CSMD1: variants seen among roughly 807,000 people sequenced by gnomAD.
The protein encoded by CSMD1 is CUB and Sushi multiple domains 1, also known as CUB and sushi domain-containing protein 1.
Under a neutral mutation model 417.5 loss-of-function variants are expected in CSMD1, and 213 were observed. That is an observed-to-expected ratio of 0.51 (90% CI 0.46 to 0.57). CSMD1 has a LOEUF of 0.57. CSMD1 is among the 20% of genes least tolerant of loss of function. The pLI, the probability that CSMD1 is intolerant of heterozygous loss-of-function variation, is 0.00. For missense variants in CSMD1, 6,923 were observed against 4,529.7 expected (o/e 1.53, Z -15.17); for synonymous variants, 2,862 against 1,736.8 (o/e 1.65, Z -16.11).
At chr8:3,378,505 T>C (rs543119465) in intron 18 of CSMD1, among the ~76,000 whole-genome samples, 9 of 152,310 alleles carry the variant, frequency 5.9e-5, no homozygotes, top group African/African-American at 1.4e-4. Context: ...CTCCATAAAA[T>C]GCTGGCAAAC....
chr8:4,503,371 ACTTT>A, intron 2 of CSMD1, among the ~76,000 whole-genome samples: 1 of 152,148 alleles, frequency 6.6e-6, no homozygotes, highest in African/African-American at 2.4e-5. Context: ...ATCATACTCA[ACTTT>A]TGCTCAACTG....
chr8:3,490,875 AT>A lies in CSMD1; in HGVS notation c.1448+2747del, dbSNP rs905479181. Among the ~76,000 whole-genome samples the A allele has an allele frequency of 4.6e-5, 7 of 151,174 alleles. 1 individual carries two copies. Among genetic ancestry groups the A allele is most frequent in the African/African-American group, 1.7e-4 (7 of 41,032 alleles). ...TGTTTTTAAAAATAAAAAGAAAAAAATTTTTTTTTACCTAGTAATTTGTCAA... is the reference window on the plus strand; with the variant it reads ...TGTTTTTAAAAATAAAAAGAAAAAAATTTTTTTTACCTAGTAATTTGTCAA... On this transcript the variant is annotated intron_variant, in intron 11 of 69. Coordinates refer to ENST00000635120, the MANE Select transcript of CSMD1 (RefSeq NM_033225.6).
chr8:3,265,077 C>G (rs972490878), intron 26 of CSMD1, among the ~76,000 whole-genome samples: 9 of 152,140 alleles, frequency 5.9e-5, no homozygotes, highest in African/African-American at 1.4e-4. Context: ...CAACACAAAT[C>G]TGTTGAATAG....
At chr8:3,802,503 G>A (rs889197523) in intron 5 of CSMD1, among the ~76,000 whole-genome samples, 3 of 152,072 alleles carry the variant, frequency 2.0e-5, no homozygotes, top group African/African-American at 7.2e-5. Flanking sequence ...TTGATGTGAG[G>A]TCACTTTCTA....
intron 2 of CSMD1, among the ~76,000 whole-genome samples, chr8:4,616,074 T>A (rs1190146975): frequency 6.6e-6 from 1 of 152,206 alleles, no homozygotes; most frequent in Non-Finnish European, 1.5e-5. Context: ...TGTTCTTATT[T>A]CATAGTGCAA....
At chr8:4,108,327 G>C (rs1322636014) in intron 3 of CSMD1, among the ~76,000 whole-genome samples, 37 of 152,142 alleles carry the variant, frequency 2.4e-4, no homozygotes, top group Non-Finnish European at 5.9e-5. Context: ...AAAATTGGGT[G>C]TTGTATGATG....
intron 3 of CSMD1, among the ~76,000 whole-genome samples, chr8:4,365,248 A>G (rs1801996821): frequency 6.6e-6 from 1 of 152,226 alleles, no homozygotes; most frequent in Non-Finnish European, 1.5e-5. Context: ...GTAGTTTGGA[A>G]TGTAATTTTA....
chr8:4,129,973 G>A (rs1327330356), intron 3 of CSMD1, among the ~76,000 whole-genome samples: 1 of 151,936 alleles, frequency 6.6e-6, no homozygotes, highest in East Asian at 1.9e-4. Flanking sequence ...TTTCTTCCCA[G>A]TTGCTTTACC....
chr8:3,860,488 C>T (rs1005456725), intron 5 of CSMD1, among the ~76,000 whole-genome samples: 3 of 151,978 alleles, frequency 2.0e-5, no homozygotes, highest in Non-Finnish European at 2.9e-5. Context: ...TTAAAATGTA[C>T]TTGAAGTTCC....
chr8:3,851,836 G>T (rs1178910521), intron 5 of CSMD1, among the ~76,000 whole-genome samples: 1 of 152,196 alleles, frequency 6.6e-6, no homozygotes, highest in Non-Finnish European at 1.5e-5. Context: ...GAGGGCGCCA[G>T]GAGGGTCGGG....
intron 30 of CSMD1, among the ~76,000 whole-genome samples, chr8:3,209,224 C>T (rs6651442): frequency 0.53 from 80,836 of 151,992 alleles, 21,825 homozygotes; most frequent in African/African-American, 0.63. Flanking sequence ...TACAATGATA[C>T]GTTTCATACA....
chr8:3,346,199 G>A (rs1162467631), intron 22 of CSMD1, among the ~76,000 whole-genome samples: 1 of 151,980 alleles, frequency 6.6e-6, no homozygotes, highest in East Asian at 1.9e-4. Flanking sequence ...AATGTGAGAA[G>A]CACGTTTTTT....
Position 4,036,625 on chromosome 8 carries a change from G to T in CSMD1, c.416-4526C>A, listed in dbSNP as rs57001787. On this transcript the variant is annotated intron_variant, in intron 3 of 69. Coordinates refer to ENST00000635120, the MANE Select transcript of CSMD1 (RefSeq NM_033225.6). ...ATTAAGGCAGATGTTAGAAGCAGCG[G>T]ATGTCAAAGAAAAAACTAGACATCA... is the stretch of plus-strand genomic sequence containing the variant. Among the ~76,000 whole-genome samples the T allele has an allele frequency of 8.4e-3, 1,273 of 152,270 alleles. 14 individuals carry two copies. Among genetic ancestry groups the T allele is most frequent in the African/African-American group, 0.021 (883 of 41,534 alleles).
intron 5 of CSMD1, among the ~76,000 whole-genome samples, chr8:3,942,663 T>C (rs796747775): frequency 4.6e-5 from 7 of 152,324 alleles, no homozygotes; most frequent in African/African-American, 1.7e-4. Context: ...AAAAACTGTT[T>C]ATGATTTATA....
At chr8:4,268,273 A>G (rs1378573210) in intron 3 of CSMD1, among the ~76,000 whole-genome samples, 1 of 152,152 alleles carries the variant, frequency 6.6e-6, no homozygotes, top group Non-Finnish European at 1.5e-5. Context: ...TTGAGTTTCT[A>G]TATTTGAACA....
chr8:3,469,920 T>C (rs1816990420), intron 11 of CSMD1, among the ~76,000 whole-genome samples: 1 of 152,252 alleles, frequency 6.6e-6, no homozygotes, highest in Non-Finnish European at 1.5e-5. Context: ...AACATTGTTC[T>C]TTTTCATTTG....
chr8:3,343,475 C>A lies in CSMD1; in HGVS notation c.3475-25G>T, dbSNP rs547988138. On this transcript the variant is annotated intron_variant, in intron 22 of 69. Transcript: ENST00000635120. ...CCTGATGAAAATTCACAGCATGAGTCCCTCTATGCCTTCACTGGATTCTTA... is the reference window on the plus strand; with the variant it reads ...CCTGATGAAAATTCACAGCATGAGTACCTCTATGCCTTCACTGGATTCTTA... 2.5e-6 allele frequency: 4 copies of A among 1,593,554 alleles called. No homozygotes were observed. In the Admixed American group the frequency reaches 5.2e-5, roughly 21 times the overall value.
At chr8:3,705,093 C>A (rs891872761) in intron 7 of CSMD1, among the ~76,000 whole-genome samples, 1 of 152,190 alleles carries the variant, frequency 6.6e-6, no homozygotes, top group Non-Finnish European at 1.5e-5. Flanking sequence ...GCCAGTCAGG[C>A]AAGGCTACTT....
Position 4,796,985 on chromosome 8 carries a change from C to A in CSMD1, c.86-159427G>T, listed in dbSNP as rs142468669. The stretch of plus-strand genomic sequence containing the variant: ...GCCTGGTCATCAGGCCTTTGTAATG[C>A]CACCCAAAGTGAGGTACATCTTATT... On this transcript the variant is annotated intron_variant, in intron 1 of 69. Coordinates refer to ENST00000635120, the MANE Select transcript of CSMD1 (RefSeq NM_033225.6). Among the ~76,000 whole-genome samples the A allele has an allele frequency of 2.4e-4, 37 of 152,270 alleles. 1 individual carries two copies. In the East Asian group the frequency reaches 6.4e-3, roughly 26 times the overall value.
Sources: allele counts gnomAD v4.1 joint callset (sites outside exome capture counted in the v4.1 genomes callset), GRCh38; gene constraint gnomAD v4.1.1; transcripts MANE v1.5; gene names NCBI Gene and HGNC (gene_info 2026-07-23, HGNC 2026-07-21).